Variants in GABRR1 observed in about 807,000 individuals in gnomAD.
GABRR1 encodes gamma-aminobutyric acid type A receptor subunit rho1.
In GABRR1, 59 loss-of-function variants were observed where a neutral mutation model predicts 55.5. The ratio of observed to expected loss-of-function variants is 1.06; its 90% CI spans 0.86 to 1.32. GABRR1 has a LOEUF of 1.32. Ranked by LOEUF, GABRR1 falls within the 40% of genes most tolerant of loss-of-function variation. The pLI is 0.00. For missense variants in GABRR1, 602 were observed against 619.1 expected, an observed-to-expected ratio of 0.97 and a Z score of 0.29; for synonymous variants, 213 against 226.0, an observed-to-expected ratio of 0.94 and a Z score of 0.51.
chr6:89,197,989 G>A, intron 5 of GABRR1, 31 bp downstream of exon 5: 1 of 1,587,602 alleles, frequency 6.3e-7, no homozygotes, highest in Non-Finnish European at 8.6e-7. Flanking sequence ...GCTTTTCTTG[G>A]TTAATATGAA....
At chr6:89,188,177 C>T (rs1192396222) in intron 6 of GABRR1, among the ~76,000 whole-genome samples, 1 of 152,086 alleles carries the variant, frequency 6.6e-6, no homozygotes. Flanking sequence ...ATGCCAGCCA[C>T]CATGCCCAGC....
chr6:89,191,475 T>C (rs1263375282), intron 5 of GABRR1, among the ~76,000 whole-genome samples: 1 of 152,218 alleles, frequency 6.6e-6, no homozygotes, highest in Non-Finnish European at 1.5e-5. Context: ...GGAAATGTTT[T>C]GCTACGAACA....
At position 89,177,620 on chromosome 6, in the gene GABRR1, G is replaced by A. The variant is rs777785114; in HGVS notation, c.*1150C>T. On this transcript the variant is annotated 3_prime_UTR_variant, in exon 10 of 10. Transcript: ENST00000454853. ...ATATAATATAAATAACTGTTTTTAA[G>A]TGATACACCAGATTAGAACCCTCTC... 4 of 152,162 alleles carry A rather than the reference G, an allele frequency of 2.6e-5. No homozygotes were observed. Among genetic ancestry groups the A allele is most frequent in the Non-Finnish European group, 5.9e-5 (4 of 68,034 alleles). The allele number at this position is 152,162 out of a possible 1,614,324, so 9.4% of individuals were successfully genotyped here.
At chr6:89,221,820 G>C (rs893718676), upstream of GABRR1, among the ~76,000 whole-genome samples, 2 of 152,158 alleles carry the variant, frequency 1.3e-5, no homozygotes, top group African/African-American at 4.8e-5. Flanking sequence ...ATGACCCGAA[G>C]AGCCATTTTT....
In GABRR1 at chr6:89,188,778, G is replaced by C. The variant is rs77837904; in HGVS notation, c.655+1387C>G. On this transcript the variant is annotated intron_variant, in intron 6 of 9. Transcript: ENST00000454853. ...TGACAATTTTCATGTAGTCCAATTT[G>C]CGTATTTTTTTCTTTTGTTGACTGC... is the stretch of plus-strand genomic sequence containing the variant. Among the ~76,000 whole-genome samples, 1,293 of 152,126 alleles carry C rather than the reference G, an allele frequency of 8.5e-3. 16 individuals are homozygous for C. The highest frequency in any genetic ancestry group is 0.015 in the Non-Finnish European group (1,048 of 68,010).
intron 2 of GABRR1, 103 bp downstream of exon 2, chr6:89,203,332 A>C: frequency 9.6e-7 from 1 of 1,039,886 alleles, no homozygotes; most frequent in South Asian, 1.3e-5. Flanking sequence ...CCACTTTCTG[A>C]TCCTTGGTGA....
intron 5 of GABRR1, among the ~76,000 whole-genome samples, chr6:89,191,108 T>C (rs553266227): frequency 1.3e-5 from 2 of 152,376 alleles, no homozygotes; most frequent in Non-Finnish European, 2.9e-5. Context: ...TTAATTTAAA[T>C]GGAAATTTCA....
chr6:89,215,104 T>G (rs1444924758), intron 1 of GABRR1, among the ~76,000 whole-genome samples: 1 of 152,174 alleles, frequency 6.6e-6, no homozygotes, highest in Non-Finnish European at 1.5e-5. Flanking sequence ...GAATGTAAAT[T>G]GGCACAGCCA....
rs536094089 is a variant in GABRR1 at position 89,182,111 on chromosome 6, C to T, written c.797-54G>A. On this transcript the variant is annotated intron_variant, in intron 7 of 9. Coordinates refer to ENST00000454853, the MANE Select transcript of GABRR1 (RefSeq NM_002042.5). ...CACATCATGGCTCCTTCATAAAACA[C>T]ATTTTATTCAGGAAATTGTTAAGTG... 34 of 1,573,360 alleles carry T rather than the reference C, an allele frequency of 2.2e-5. No homozygotes were observed. In the African/African-American group the frequency reaches 3.2e-4, roughly 15 times the overall value.
rs753536613 is a variant in GABRR1 at position 89,201,221 on chromosome 6, G to C, written c.218C>G (p.Thr73Arg). ...RSPDITKSPL[T>R]KSEQLLRIDD... Reference sequence around the variant, plus strand: ...TATCCTCAGAAGCTGTTCTGACTTTGTCAGAGGCGATTTGGTGATGTCAGG... The same window carrying C: ...TATCCTCAGAAGCTGTTCTGACTTTCTCAGAGGCGATTTGGTGATGTCAGG... The change falls in exon 3 of 10, where the codon ACA becomes AGA. Residue 73 changes from threonine (T) to arginine (R), a missense_variant. By Grantham distance (71) the Thr-to-Arg change is moderately conservative (BLOSUM62 -1). Coordinates refer to ENST00000454853, the MANE Select transcript of GABRR1 (RefSeq NM_002042.5). 3.2e-5 allele frequency: 51 copies of C among 1,614,084 alleles called. No homozygotes were observed. The highest frequency in any genetic ancestry group is 4.2e-5 in the Non-Finnish European group (49 of 1,180,034).
At chr6:89,181,111 G>A (rs1771704581) in intron 8 of GABRR1, among the ~76,000 whole-genome samples, 1 of 152,242 alleles carries the variant, frequency 6.6e-6, no homozygotes, top group Non-Finnish European at 1.5e-5. Context: ...ATTTAGCACA[G>A]TAACTGTTCA....
intron 1 of GABRR1, among the ~76,000 whole-genome samples, chr6:89,225,893 T>C (rs1006919858): frequency 7.1e-6 from 1 of 141,042 alleles, no homozygotes; most frequent in Non-Finnish European, 1.6e-5. Flanking sequence ...AATGTAAAAG[T>C]GTTCCTATTT....
At chr6:89,202,142 T>A (rs1772495696) in intron 2 of GABRR1, among the ~76,000 whole-genome samples, 1 of 152,128 alleles carries the variant, frequency 6.6e-6, no homozygotes, top group African/African-American at 2.4e-5. Context: ...CTGGGGTCAT[T>A]TGTATTTATT....
At chr6:89,204,796 AT>A in intron 1 of GABRR1, 1 of 413,658 alleles carries the variant, frequency 2.4e-6, no homozygotes, top group Non-Finnish European at 3.9e-6. Flanking sequence ...ATGTAAAAAA[AT>A]TTAGAAAATA....
intron 9 of GABRR1, among the ~76,000 whole-genome samples, 193 bp downstream of exon 9, chr6:89,180,099 G>A (rs1771670471): frequency 6.6e-6 from 1 of 152,008 alleles, no homozygotes; most frequent in Non-Finnish European, 1.5e-5. Flanking sequence ...ATGAATGAAA[G>A]ATGTCACCCA....
In GABRR1 at chr6:89,180,458, A is replaced by G. The variant is rs767876225; in HGVS notation, c.980T>C (p.Ile327Thr). Reference protein sequence around the residue: ...GITTVLTMSTIITGVNASMPR... With the variant: ...GITTVLTMSTTITGVNASMPR... Reference sequence around the variant, plus strand: ...CATGGAGGCATTCACGCCCGTGATGATGGTGGACATGGTCAGCACCGTTGT... The same window carrying G: ...CATGGAGGCATTCACGCCCGTGATGGTGGTGGACATGGTCAGCACCGTTGT... The change falls in exon 9 of 10, where the codon ATC becomes ACC. Residue 327 changes from isoleucine to threonine, a missense_variant. Coordinates refer to ENST00000454853, the MANE Select transcript of GABRR1 (RefSeq NM_002042.5). 35 of 1,613,856 alleles carry G rather than the reference A, an allele frequency of 2.2e-5. No homozygotes were observed. Among genetic ancestry groups the G allele is most frequent in the Non-Finnish European group, 2.9e-5 (34 of 1,179,956 alleles).
chr6:89,225,786 G>A (rs1773191824), intron 1 of GABRR1, among the ~76,000 whole-genome samples: 1 of 125,290 alleles, frequency 8.0e-6, no homozygotes, highest in African/African-American at 3.2e-5. Context: ...ACCCAGTAAT[G>A]GGATGGCTGG....
At chr6:89,202,110 T>A (rs2127800690) in intron 2 of GABRR1, among the ~76,000 whole-genome samples, 1 of 152,280 alleles carries the variant, frequency 6.6e-6, no homozygotes, top group East Asian at 1.9e-4. Flanking sequence ...TGGCTACTCC[T>A]GCTACTGCTT....
chr6:89,226,430 T>C (rs891379463), intron 1 of GABRR1, among the ~76,000 whole-genome samples: 5 of 149,200 alleles, frequency 3.4e-5, no homozygotes, highest in Admixed American at 3.3e-4. Flanking sequence ...CCATCTTGAA[T>C]TGATTTTTGT....
Sources: allele counts gnomAD v4.1 joint callset (sites outside exome capture counted in the v4.1 genomes callset), GRCh38; gene constraint gnomAD v4.1.1; transcripts MANE v1.5; gene names NCBI Gene and HGNC (gene_info 2026-07-23, HGNC 2026-07-21).